DCAF6: variants seen among roughly 807,000 people sequenced by gnomAD.
The protein encoded by DCAF6 is DDB1 and CUL4 associated factor 6.
Under a neutral mutation model 125.1 loss-of-function variants are expected in DCAF6, and 54 were observed. That is an observed-to-expected ratio of 0.43 (90% CI 0.35 to 0.54). DCAF6 has a LOEUF of 0.54. DCAF6 is among the 20% of genes least tolerant of loss of function. DCAF6 has a pLI of 0.01. For missense variants in DCAF6, 934 were observed against 1,161.7 expected (o/e 0.80, Z 2.85); for synonymous variants, 371 against 390.4 (o/e 0.95, Z 0.58).
chr1:167,959,311 G>A (rs114021049), intron 2 of DCAF6, among the ~76,000 whole-genome samples: 1 of 152,102 alleles, frequency 6.6e-6, no homozygotes, highest in Non-Finnish European at 1.5e-5. Flanking sequence ...CCAAAAATTG[G>A]CAGTTATGAG....
chr1:168,025,879 C>T (rs535360191), intron 12 of DCAF6, among the ~76,000 whole-genome samples: 17 of 152,316 alleles, frequency 1.1e-4, no homozygotes, highest in Middle Eastern at 6.8e-3. Flanking sequence ...GCTTACAAAA[C>T]CTACATGACT....
chr1:168,036,240 G>T (rs1365762674), intron 12 of DCAF6, among the ~76,000 whole-genome samples: 1 of 152,086 alleles, frequency 6.6e-6, no homozygotes, highest in Non-Finnish European at 1.5e-5. Flanking sequence ...TATAGTCATA[G>T]CATGTAGATA....
chr1:168,028,258 A>G (rs1427790270), intron 12 of DCAF6, among the ~76,000 whole-genome samples: 1 of 152,196 alleles, frequency 6.6e-6, no homozygotes, highest in African/African-American at 2.4e-5. Flanking sequence ...AAAAATATGT[A>G]GGCCAGCAAT....
At chr1:168,023,108 C>G in intron 12 of DCAF6, 61 bp downstream of exon 12, 10 of 1,478,928 alleles carry the variant, frequency 6.8e-6, no homozygotes, top group Non-Finnish European at 9.4e-6. Context: ...AATGCATATA[C>G]TAAGCTCTCT....
At chr1:167,939,977 G>A (rs1671982716) in intron 1 of DCAF6, among the ~76,000 whole-genome samples, 1 of 152,028 alleles carries the variant, frequency 6.6e-6, no homozygotes, top group Non-Finnish European at 1.5e-5. Context: ...TTTTAGCAGT[G>A]AATTACTGCT....
the DCAF6 span, among the ~76,000 whole-genome samples, chr1:167,888,124 T>C: frequency 6.6e-6 from 1 of 152,352 alleles, no homozygotes; most frequent in Admixed American, 6.5e-5. Context: ...TCTATTCTGT[T>C]CCACTGGTCT....
chr1:168,070,687 G>T (rs894603554), intron 21 of DCAF6, among the ~76,000 whole-genome samples: 5 of 152,164 alleles, frequency 3.3e-5, no homozygotes, highest in African/African-American at 1.2e-4. Context: ...CATGAATAAT[G>T]CACTAAAGAC....
intron 4 of DCAF6, among the ~76,000 whole-genome samples, chr1:167,978,842 A>G (rs568174521): frequency 6.6e-6 from 1 of 152,124 alleles, no homozygotes; most frequent in East Asian, 1.9e-4. Context: ...TTTTTTGTAG[A>G]GACGGGGCCT....
chr1:167,891,008 C>A, the DCAF6 span, among the ~76,000 whole-genome samples: 1 of 152,138 alleles, frequency 6.6e-6, no homozygotes, highest in African/African-American at 2.4e-5. Flanking sequence ...GTCACCCAGG[C>A]TGGAGTGCAG....
In DCAF6 at chr1:167,991,424, T is replaced by C. The variant is rs575785493; in HGVS notation, c.688+85T>C. 219 of 1,339,670 alleles carry C rather than the reference T, an allele frequency of 1.6e-4. 4 individuals carry two copies. In the South Asian group the frequency reaches 3.6e-3, roughly 22 times the overall value. 83.0% of individuals were successfully genotyped at this position (1,339,670 alleles called of 1,614,324 possible). A position where few individuals can be genotyped will look rare whatever the true frequency, so the allele number is the denominator to read the frequency against. On this transcript the variant is annotated intron_variant, in intron 6 of 21. Coordinates refer to ENST00000367840, the MANE Select transcript of DCAF6 (RefSeq NM_001198956.2). ...ACATTTTCAGTTTTAAAATTTCTTG[T>C]TTGTTATAAAATTTCAGAAAATAGT...
intron 12 of DCAF6, among the ~76,000 whole-genome samples, chr1:168,034,359 AAAG>A (rs1167997712): frequency 6.6e-6 from 1 of 152,168 alleles, no homozygotes; most frequent in East Asian, 1.9e-4. Context: ...TAGAAAAAAT[AAAG>A]AAGTTGGGCA....
intron 1 of DCAF6, among the ~76,000 whole-genome samples, chr1:167,946,640 G>C (rs1287151849): frequency 1.3e-5 from 2 of 151,966 alleles, no homozygotes; most frequent in African/African-American, 2.4e-5. Context: ...TATGGTTTTT[G>C]CCCTTCATTC....
At chr1:167,933,653 G>C (rs1670977136), upstream of DCAF6, among the ~76,000 whole-genome samples, 1 of 152,152 alleles carries the variant, frequency 6.6e-6, no homozygotes, top group Non-Finnish European at 1.5e-5. Context: ...AATACTGTTA[G>C]GCAAAATAGT....
intron 5 of DCAF6, 122 bp from the exon 6 acceptor site, chr1:167,991,082 T>C: frequency 5.0e-6 from 4 of 797,414 alleles, no homozygotes; most frequent in Non-Finnish European, 7.2e-6. Context: ...CTCATTGTCA[T>C]TCTTGACTGA....
chr1:167,932,987 T>C (rs1418053320), upstream of DCAF6, among the ~76,000 whole-genome samples: 1 of 151,846 alleles, frequency 6.6e-6, no homozygotes, highest in Non-Finnish European at 1.5e-5. Context: ...TTTTTGTGAG[T>C]TGAGGAACTT....
chr1:167,944,071 C>T (rs1464580400), intron 1 of DCAF6, among the ~76,000 whole-genome samples: 7 of 152,004 alleles, frequency 4.6e-5, no homozygotes, highest in South Asian at 2.1e-4. Context: ...CTCGATCCCC[C>T]GACCTTGTGA....
At chr1:167,905,738 ATG>A in the DCAF6 span, among the ~76,000 whole-genome samples, 140 of 148,358 alleles carry the variant, frequency 9.4e-4, 1 homozygote, top group African/African-American at 2.0e-3. Flanking sequence ...GAGTTCAGAA[ATG>A]TGTGTGTGTG....
rs1686486637 is a variant in DCAF6, at chr1:168,027,471, A to T, written c.1609+4424A>T. On this transcript the variant is annotated intron_variant, in intron 12 of 21. Transcript: ENST00000367840. Reference sequence around the variant, plus strand: ...GTACATTTAATAAGTTTCCTATTTGAATATATCTCTGACTAATGATTATTT... The same window carrying T: ...GTACATTTAATAAGTTTCCTATTTGTATATATCTCTGACTAATGATTATTT... Among the ~76,000 whole-genome samples, 3 of 152,152 alleles carry T rather than the reference A, an allele frequency of 2.0e-5. No individual in the cohort carries two copies. In the South Asian group the frequency reaches 6.2e-4, roughly 31 times the overall value.
At chr1:168,072,294 T>TAAAAAAAAAAAAAAAAAAAAA (rs59674650) in intron 21 of DCAF6, among the ~76,000 whole-genome samples, 2 of 41,014 alleles carry the variant, frequency 4.9e-5, no homozygotes, top group African/African-American at 1.6e-4. Flanking sequence ...AGAATCAGTC[T>TAAAAAAAAAAAAAAAAAAAAA]AAAAAAAAAA....
Sources: allele counts gnomAD v4.1 joint callset (sites outside exome capture counted in the v4.1 genomes callset), GRCh38; gene constraint gnomAD v4.1.1; transcripts MANE v1.5; gene names NCBI Gene and HGNC (gene_info 2026-07-23, HGNC 2026-07-21).